Variants in STK39 observed in about 807,000 individuals in gnomAD.
STK39 encodes serine/threonine kinase 39, also known as STE20/SPS1-related proline-alanine-rich protein kinase.
In STK39, 20 loss-of-function variants were observed where a neutral mutation model predicts 77.8. That is an observed-to-expected ratio of 0.26 (90% CI 0.18 to 0.37). The LOEUF (loss-of-function observed/expected upper bound fraction) is 0.37. Ranked by LOEUF, STK39 falls within the 10% of genes least tolerant of loss-of-function variation. The pLI is 1.00. For synonymous variants in STK39, 246 were observed against 234.1 expected (o/e 1.05, Z -0.47); for missense variants, 479 against 656.5 (o/e 0.73, Z 2.95).
At chr2:168,220,359 TAAGCAGC>T (rs945771611) in intron 1 of STK39, among the ~76,000 whole-genome samples, 18 of 152,106 alleles carry the variant, frequency 1.2e-4, no homozygotes, top group African/African-American at 4.1e-4. Flanking sequence ...AAAACCACTC[TAAGCAGC>T]ACAGCATAAT....
intron 1 of STK39, among the ~76,000 whole-genome samples, chr2:168,200,148 G>C (rs1440362083): frequency 2.0e-5 from 3 of 152,246 alleles, no homozygotes; most frequent in Non-Finnish European, 4.4e-5. Flanking sequence ...ACATTTTCAT[G>C]AACTTTTAAA....
chr2:168,110,007 G>T (rs1261062557), intron 10 of STK39, among the ~76,000 whole-genome samples: 1 of 152,126 alleles, frequency 6.6e-6, no homozygotes, highest in African/African-American at 2.4e-5. Context: ...TTACATTAAC[G>T]GTATCCTCTG....
At chr2:168,070,947 C>A (rs1350791934) in intron 12 of STK39, among the ~76,000 whole-genome samples, 2 of 152,128 alleles carry the variant, frequency 1.3e-5, no homozygotes, top group African/African-American at 2.4e-5. Flanking sequence ...AGGAGGATCT[C>A]CAAATACGAC....
chr2:168,215,350 G>A (rs1430653787), intron 1 of STK39, among the ~76,000 whole-genome samples: 1 of 152,140 alleles, frequency 6.6e-6, no homozygotes, highest in African/African-American at 2.4e-5. Context: ...TTCATTGTGT[G>A]GTTCTTTGCT....
At chr2:168,156,857 C>G (rs1012425929) in intron 5 of STK39, among the ~76,000 whole-genome samples, 1 of 152,202 alleles carries the variant, frequency 6.6e-6, no homozygotes, top group Non-Finnish European at 1.5e-5. Flanking sequence ...CGCTTTCCCA[C>G]ACTAATCAGA....
At chr2:168,237,162 T>C (rs1261475598) in intron 1 of STK39, among the ~76,000 whole-genome samples, 1 of 152,238 alleles carries the variant, frequency 6.6e-6, no homozygotes, top group Non-Finnish European at 1.5e-5. Context: ...GTCCTTCACA[T>C]CCCTTGTAAG....
At chr2:167,976,717 G>A (rs917805993) in intron 16 of STK39, among the ~76,000 whole-genome samples, 1 of 152,036 alleles carries the variant, frequency 6.6e-6, no homozygotes, top group African/African-American at 2.4e-5. Flanking sequence ...TTTTATCTCT[G>A]CCCCAACCAA....
chr2:168,247,164 C>T, intron 1 of STK39, 64 bp downstream of exon 1: 2 of 1,098,562 alleles, frequency 1.8e-6, no homozygotes, highest in South Asian at 3.5e-5. Flanking sequence ...CAGCATCCCG[C>T]GCCCCCTCCC....
intron 13 of STK39, among the ~76,000 whole-genome samples, chr2:168,063,917 G>A (rs1685727875): frequency 6.6e-6 from 1 of 152,156 alleles, no homozygotes; most frequent in Non-Finnish European, 1.5e-5. Flanking sequence ...CACAAAGGCT[G>A]GGCACCTTAA....
intron 1 of STK39, among the ~76,000 whole-genome samples, chr2:168,244,307 T>C (rs955858837): frequency 6.6e-6 from 1 of 152,248 alleles, no homozygotes; most frequent in African/African-American, 2.4e-5. Flanking sequence ...TGGATTTTAG[T>C]AAACTTATTC....
At chr2:168,074,342 C>T (rs1686018719) in intron 12 of STK39, among the ~76,000 whole-genome samples, 1 of 152,194 alleles carries the variant, frequency 6.6e-6, no homozygotes, top group South Asian at 2.1e-4. Flanking sequence ...CAAATTTCCT[C>T]TAGGAGAATT....
chr2:168,032,561 C>T (rs144858679), intron 14 of STK39, among the ~76,000 whole-genome samples: 4 of 152,314 alleles, frequency 2.6e-5, no homozygotes, highest in African/African-American at 9.6e-5. Flanking sequence ...GCTTATCTTT[C>T]CTGACCTCTT....
intron 14 of STK39, among the ~76,000 whole-genome samples, chr2:168,062,608 G>A (rs1211451430): frequency 1.3e-5 from 2 of 152,234 alleles, no homozygotes; most frequent in South Asian, 2.1e-4. Flanking sequence ...TCAGAGGGGT[G>A]GAAACTAACC....
intron 1 of STK39, among the ~76,000 whole-genome samples, chr2:168,195,378 C>A (rs1689442941): frequency 6.6e-6 from 1 of 152,110 alleles, no homozygotes; most frequent in Non-Finnish European, 1.5e-5. Flanking sequence ...CCAGCCTGGG[C>A]AACAGAGCAA....
At chr2:168,031,890 T>C (rs1684841288) in intron 14 of STK39, among the ~76,000 whole-genome samples, 1 of 152,196 alleles carries the variant, frequency 6.6e-6, no homozygotes, top group Non-Finnish European at 1.5e-5. Flanking sequence ...AAAGTCAACA[T>C]TTGTCCCTTT....
At chr2:168,103,176 G>A (rs1686881278) in intron 10 of STK39, among the ~76,000 whole-genome samples, 1 of 152,260 alleles carries the variant, frequency 6.6e-6, no homozygotes, top group African/African-American at 2.4e-5. Flanking sequence ...GACTGCTGAT[G>A]ATGACAATTT....
At position 168,140,751 on chromosome 2, in the gene STK39, C is replaced by T. The variant is rs1672683255; in HGVS notation, c.636G>A (p.Gly212=). ...CCCCTGTTGCTAGGAACGCACTTAC[C>T]CCAAAATCTGAAAGGGAAAAAAAAA... ...EDGSVQIADF[G]VSAFLATGGD... The change falls in exon 6 of 18, where the codon GGG becomes GGA. Residue 212 remains glycine, a synonymous_variant. Coordinates refer to ENST00000355999, the MANE Select transcript of STK39 (RefSeq NM_013233.3). 2 of 1,581,400 alleles carry T rather than the reference C, an allele frequency of 1.3e-6. No homozygotes were observed. The highest frequency in any genetic ancestry group is 4.5e-5 in the East Asian group (2 of 44,348).
intron 16 of STK39, among the ~76,000 whole-genome samples, chr2:168,007,980 ACTT>A (rs1203210949): frequency 2.6e-5 from 4 of 152,162 alleles, no homozygotes; most frequent in Middle Eastern, 3.2e-3. Flanking sequence ...AGCCATTACT[ACTT>A]CTAATTCCAG....
chr2:168,181,092 A>G (rs935111943), intron 2 of STK39, among the ~76,000 whole-genome samples: 2 of 152,236 alleles, frequency 1.3e-5, no homozygotes, highest in African/African-American at 4.8e-5. Flanking sequence ...ATTTGCAGCC[A>G]ACTGTCATTA....
Sources: gnomAD v4.1 joint callset for allele counts (sites outside exome capture counted in the v4.1 genomes callset) on GRCh38, gnomAD v4.1.1 for gene constraint, MANE v1.5 for transcripts, NCBI Gene and HGNC (gene_info 2026-07-23, HGNC 2026-07-21) for gene names.